The following ZYG11B variants were observed in gnomAD, a reference collection of about 807,000 sequenced individuals.
ZYG11B encodes protein zyg-11 homolog B.
A neutral mutation model predicts 82.4 loss-of-function variants in ZYG11B; 36 were observed. The ratio of observed to expected loss-of-function variants is 0.44; its 90% CI spans 0.33 to 0.58. The LOEUF is 0.58. ZYG11B is among the 20% of genes least tolerant of loss of function. ZYG11B has a pLI of 0.02. For synonymous variants in ZYG11B, 303 were observed against 312.8 expected, an observed-to-expected ratio of 0.97 and a Z score of 0.33; for missense variants, 552 against 895.6, an observed-to-expected ratio of 0.62 and a Z score of 4.90.
chr1:52,786,242 A>G (rs1006773623), intron 5 of ZYG11B, among the ~76,000 whole-genome samples: 4 of 152,102 alleles, frequency 2.6e-5, no homozygotes, highest in African/African-American at 9.7e-5. Context: ...TAAAATAAAT[A>G]AGGTTAGGAA....
intron 1 of ZYG11B, among the ~76,000 whole-genome samples, chr1:52,729,682 A>G (rs1644313965): frequency 6.6e-6 from 1 of 152,252 alleles, no homozygotes; most frequent in Non-Finnish European, 1.5e-5. Flanking sequence ...TCTACTAAAA[A>G]TACAAAAATT....
At chr1:52,808,916 A>C (rs1645162595) in intron 10 of ZYG11B, among the ~76,000 whole-genome samples, 1 of 151,606 alleles carries the variant, frequency 6.6e-6, no homozygotes, top group Non-Finnish European at 1.5e-5. Flanking sequence ...CATCTTAGAC[A>C]TTGTCATTTT....
At position 52,756,603 on chromosome 1, in the gene ZYG11B, T is replaced by G; in HGVS notation, c.176T>G (p.Leu59Arg). Residue 59 changes from leucine (L) to arginine (R), a missense_variant, in exon 2 of 14, where the codon CTT becomes CGT. Coordinates refer to ENST00000294353, the MANE Select transcript of ZYG11B (RefSeq NM_024646.3). The part of the protein sequence containing the change: ...VFPQEVADRL[L>R]RTMAFHGLLN... ...CCACAGGAGGTGGCTGATCGACTGC[T>G]TCGGACCATGGCTTTTCATGGTAAA... 6.2e-7 allele frequency: 1 copy of G among 1,608,864 alleles called. No homozygotes were observed. Among genetic ancestry groups the G allele is most frequent in the Non-Finnish European group, 8.5e-7 (1 of 1,178,054 alleles).
At chr1:52,821,313 A>T in intron 13 of ZYG11B, 126 bp from the exon 14 acceptor site, 1 of 829,328 alleles carries the variant, frequency 1.2e-6, no homozygotes, top group Non-Finnish European at 1.8e-6. Context: ...GTAGCATGTT[A>T]GTGATCAATA....
chr1:52,818,683 G>A (rs761292656), intron 13 of ZYG11B, among the ~76,000 whole-genome samples: 2 of 152,024 alleles, frequency 1.3e-5, no homozygotes, highest in Middle Eastern at 3.4e-3. Context: ...TTCTTCTATT[G>A]GACCTTAATA....
Position 52,753,842 on chromosome 1 carries a change from C to T in ZYG11B, c.31-2616C>T, listed in dbSNP as rs189769238. 5.5e-3 allele frequency among the ~76,000 whole-genome samples: 830 copies of T among 152,176 alleles called. 6 individuals are homozygous for T. The highest frequency in any genetic ancestry group is 0.018 in the African/African-American group (735 of 41,508). On this transcript the variant is annotated intron_variant, in intron 1 of 13. Coordinates refer to ENST00000294353, the MANE Select transcript of ZYG11B (RefSeq NM_024646.3). The stretch of plus-strand genomic sequence containing the variant: ...AACTCCCGACCGCAGGTGATCCACC[C>T]GCCTCGGCCTCCCAAAATGCTGGGA...
intron 3 of ZYG11B, among the ~76,000 whole-genome samples, chr1:52,778,923 A>G (rs1644831715): frequency 6.6e-6 from 1 of 152,142 alleles, no homozygotes; most frequent in South Asian, 2.1e-4. Context: ...AAGTATTCTG[A>G]GCCAAGCATA....
chr1:52,812,561 C>G (rs1645192415), intron 10 of ZYG11B, among the ~76,000 whole-genome samples: 1 of 152,024 alleles, frequency 6.6e-6, no homozygotes, highest in Non-Finnish European at 1.5e-5. Context: ...TGACACCACG[C>G]CCAGCTAATT....
intron 3 of ZYG11B, among the ~76,000 whole-genome samples, chr1:52,776,227 A>ATATATATATATATAT (rs1553260249): frequency 3.4e-4 from 1 of 2,920 alleles, no homozygotes; most frequent in African/African-American, 4.3e-4. Flanking sequence ...CTTAAAAAAA[A>ATATATATATATATAT]AAATATATAT....
chr1:52,738,530 TC>T (rs1215248047), intron 1 of ZYG11B, among the ~76,000 whole-genome samples: 4 of 152,080 alleles, frequency 2.6e-5, no homozygotes, highest in Non-Finnish European at 4.4e-5. Context: ...TCTTCAGTTC[TC>T]CTTTGTATAA....
At chr1:52,801,100 ATCT>A (rs1314555507) in intron 8 of ZYG11B, among the ~76,000 whole-genome samples, 3 of 152,090 alleles carry the variant, frequency 2.0e-5, no homozygotes, top group South Asian at 2.1e-4. Context: ...CAAAGCTATT[ATCT>A]TCTTGTTTTT....
chr1:52,790,773 C>CTTTT, intron 6 of ZYG11B, among the ~76,000 whole-genome samples: 1,035 of 77,676 alleles, frequency 0.013, 68 homozygotes, highest in East Asian at 0.054. Context: ...GTCCAGTGTT[C>CTTTT]TTTTTTTTTT....
intron 2 of ZYG11B, among the ~76,000 whole-genome samples, chr1:52,757,548 G>A (rs1450133709): frequency 2.0e-5 from 3 of 151,948 alleles, no homozygotes; most frequent in Non-Finnish European, 4.4e-5. Flanking sequence ...GGCAATACGT[G>A]CCTATAATCT....
chr1:52,729,643 C>G (rs2149915702), intron 1 of ZYG11B, among the ~76,000 whole-genome samples: 1 of 152,276 alleles, frequency 6.6e-6, no homozygotes, highest in African/African-American at 2.4e-5. Context: ...AGTTCGAGAC[C>G]AGCCTGGCCA....
chr1:52,760,288 A>C (rs1332648344), intron 2 of ZYG11B, among the ~76,000 whole-genome samples: 1 of 152,098 alleles, frequency 6.6e-6, no homozygotes, highest in African/African-American at 2.4e-5. Flanking sequence ...ACTAAAAGTA[A>C]CAAAAATTAG....
At chr1:52,735,981 G>A (rs1644375817) in intron 1 of ZYG11B, among the ~76,000 whole-genome samples, 1 of 152,150 alleles carries the variant, frequency 6.6e-6, no homozygotes, top group Non-Finnish European at 1.5e-5. Flanking sequence ...ATGATACTCT[G>A]TTAAGTCTAA....
intron 6 of ZYG11B, among the ~76,000 whole-genome samples, chr1:52,791,178 G>A (rs1242681643): frequency 6.6e-6 from 1 of 151,782 alleles, no homozygotes; most frequent in Non-Finnish European, 1.5e-5. Context: ...TCACCACGTT[G>A]GCCATGCAGG....
chr1:52,817,375 T>C (rs748687639), intron 13 of ZYG11B, among the ~76,000 whole-genome samples: 1 of 152,088 alleles, frequency 6.6e-6, no homozygotes, highest in Non-Finnish European at 1.5e-5. Flanking sequence ...TATTATTCTT[T>C]GAAAGCTACG....
At chr1:52,743,693 G>A (rs1644453288) in intron 1 of ZYG11B, among the ~76,000 whole-genome samples, 1 of 151,998 alleles carries the variant, frequency 6.6e-6, no homozygotes. Flanking sequence ...CTCCAGCCTG[G>A]GTGATAGATT....
Sources: allele counts gnomAD v4.1 joint callset (sites outside exome capture counted in the v4.1 genomes callset), GRCh38; gene constraint gnomAD v4.1.1; transcripts MANE v1.5; gene names NCBI Gene and HGNC (gene_info 2026-07-23, HGNC 2026-07-21).